PDE1A: variants seen among roughly 807,000 people sequenced by gnomAD.
PDE1A encodes phosphodiesterase 1A.
PDE1A carries 35 observed loss-of-function variants against 61.7 expected under a neutral mutation model. The observed-to-expected ratio is 0.57, with a 90% confidence interval of 0.43 to 0.75. The LOEUF is 0.75. Ranked by LOEUF, PDE1A falls within the 30% of genes least tolerant of loss-of-function variation. PDE1A has a pLI of 0.00. For missense variants in PDE1A, 597 were observed against 630.6 expected (o/e 0.95, Z 0.57); for synonymous variants, 232 against 213.2 (o/e 1.09, Z -0.77).
At chr2:182,379,328 C>T (rs1207626580) in intron 1 of PDE1A, among the ~76,000 whole-genome samples, 3 of 152,234 alleles carry the variant, frequency 2.0e-5, no homozygotes, top group Non-Finnish European at 4.4e-5. Flanking sequence ...CTCACTCTCT[C>T]TTCCATCCTG....
At chr2:182,385,376 A>C (rs908620448) in intron 1 of PDE1A, among the ~76,000 whole-genome samples, 3 of 152,160 alleles carry the variant, frequency 2.0e-5, no homozygotes, top group African/African-American at 7.2e-5. Flanking sequence ...GAAATATGAA[A>C]TATAAAAAGA....
chr2:182,194,128 T>G (rs960666040), intron 10 of PDE1A, among the ~76,000 whole-genome samples: 2 of 152,290 alleles, frequency 1.3e-5, no homozygotes, highest in South Asian at 4.1e-4. Context: ...AAGGTAATAA[T>G]GATTAATAAA....
intron 2 of PDE1A, among the ~76,000 whole-genome samples, chr2:182,455,797 C>A (rs1685875682): frequency 1.3e-5 from 2 of 151,832 alleles, no homozygotes; most frequent in Admixed American, 6.6e-5. Flanking sequence ...AGGAGATATA[C>A]CTAATGCTAA....
At chr2:182,357,266 AGGAG>A (rs1482165463) in intron 1 of PDE1A, among the ~76,000 whole-genome samples, 1 of 152,010 alleles carries the variant, frequency 6.6e-6, no homozygotes, top group East Asian at 1.9e-4. Flanking sequence ...AGAGAGAGCA[AGGAG>A]GAAGGAAAAC....
chr2:182,572,679 G>A, the PDE1A span, among the ~76,000 whole-genome samples: 1 of 151,972 alleles, frequency 6.6e-6, no homozygotes, highest in Non-Finnish European at 1.5e-5. Context: ...GACCATCCTG[G>A]CTAACACCAT....
At chr2:182,610,309 A>T in the PDE1A span, among the ~76,000 whole-genome samples, 8 of 152,188 alleles carry the variant, frequency 5.3e-5, no homozygotes, top group Non-Finnish European at 5.9e-5. Context: ...TTTTGTACAC[A>T]TTAAGTCAAT....
At chr2:182,497,287 G>C (rs146424479) in intron 2 of PDE1A, among the ~76,000 whole-genome samples, 1,540 of 152,238 alleles carry the variant, frequency 0.01, 18 homozygotes, top group Middle Eastern at 0.027. Context: ...TAGGTGGAGG[G>C]GTGGAAACCT....
chr2:182,437,071 A>G (rs1038164075), intron 2 of PDE1A, among the ~76,000 whole-genome samples: 4 of 151,982 alleles, frequency 2.6e-5, no homozygotes, highest in African/African-American at 9.7e-5. Context: ...TTACATGTGG[A>G]TGGATCAATG....
the PDE1A span, among the ~76,000 whole-genome samples, chr2:182,601,394 T>C: frequency 7.9e-5 from 12 of 152,178 alleles, no homozygotes; most frequent in South Asian, 2.1e-4. Flanking sequence ...CCAAAAACCA[T>C]AGGGCCTCAA....
chr2:182,503,001 C>T (rs945141875), intron 2 of PDE1A, among the ~76,000 whole-genome samples: 3 of 151,404 alleles, frequency 2.0e-5, no homozygotes, highest in Admixed American at 6.6e-5. Flanking sequence ...TTCAGGTTCT[C>T]TCTTTCTCTC....
chr2:182,586,935 G>A, the PDE1A span, among the ~76,000 whole-genome samples: 1 of 152,138 alleles, frequency 6.6e-6, no homozygotes, highest in Admixed American at 6.5e-5. Flanking sequence ...TTTAGTATAT[G>A]AAGAGATAAA....
At chr2:182,712,232 A>C in the PDE1A span, among the ~76,000 whole-genome samples, 2 of 152,264 alleles carry the variant, frequency 1.3e-5, 1 homozygote, top group South Asian at 4.1e-4. Context: ...ACTGTTTCCA[A>C]CTGAGGGAGC....
At chr2:182,582,050 T>C in the PDE1A span, among the ~76,000 whole-genome samples, 2 of 152,186 alleles carry the variant, frequency 1.3e-5, no homozygotes, top group Admixed American at 1.3e-4. Context: ...AATTTTAAAA[T>C]GTTTAGCTTA....
At chr2:182,287,606 A>G (rs1018350900) in intron 1 of PDE1A, among the ~76,000 whole-genome samples, 2 of 152,130 alleles carry the variant, frequency 1.3e-5, no homozygotes, top group Non-Finnish European at 2.9e-5. Context: ...GAACACTTTC[A>G]TCCCACCAAC....
chr2:182,581,296 T>C, the PDE1A span, among the ~76,000 whole-genome samples: 2 of 152,166 alleles, frequency 1.3e-5, no homozygotes, highest in South Asian at 4.1e-4. Flanking sequence ...ATTCTTCAAG[T>C]GTAGACTCAG....
the PDE1A span, among the ~76,000 whole-genome samples, chr2:182,640,875 C>G: frequency 4.0e-5 from 6 of 151,672 alleles, no homozygotes; most frequent in African/African-American, 1.2e-4. Context: ...CCAAAATTAG[C>G]CAGACATGGT....
chr2:182,237,576 T>C (rs1690128653), intron 3 of PDE1A, among the ~76,000 whole-genome samples: 1 of 152,222 alleles, frequency 6.6e-6, no homozygotes, highest in South Asian at 2.1e-4. Flanking sequence ...AAGGGAAATA[T>C]TGTTGCTATT....
At chr2:182,386,672 G>A (rs1213575048) in intron 1 of PDE1A, among the ~76,000 whole-genome samples, 2 of 151,680 alleles carry the variant, frequency 1.3e-5, no homozygotes, top group African/African-American at 2.4e-5. Context: ...TGAGAAGTGA[G>A]GAGCCCCTCC....
chr2:182,457,270 G>C (rs1288656337), intron 2 of PDE1A, among the ~76,000 whole-genome samples: 1 of 151,816 alleles, frequency 6.6e-6, no homozygotes, highest in Non-Finnish European at 1.5e-5. Context: ...ATTAGCTGGT[G>C]GCCTCTTATT....
Sources: gnomAD v4.1 joint callset for allele counts (sites outside exome capture counted in the v4.1 genomes callset) on GRCh38, gnomAD v4.1.1 for gene constraint, MANE v1.5 for transcripts, NCBI Gene and HGNC (gene_info 2026-07-23, HGNC 2026-07-21) for gene names.